DNAJC18: variants seen among roughly 807,000 people sequenced by gnomAD.
The protein encoded by DNAJC18 is DnaJ heat shock protein family (Hsp40) member C18.
A neutral mutation model predicts 48.6 loss-of-function variants in DNAJC18; 40 were observed. That is an observed-to-expected ratio of 0.82 (90% confidence interval 0.64 to 1.07). The LOEUF is 1.07. Ranked by LOEUF, DNAJC18 falls within the 50% of genes least tolerant of loss-of-function variation. The pLI, the probability that DNAJC18 is intolerant of heterozygous loss-of-function variation, is 0.00. For missense variants in DNAJC18, 340 were observed against 427.7 expected, an observed-to-expected ratio of 0.79 and a Z score of 1.81; for synonymous variants, 135 against 152.2, an observed-to-expected ratio of 0.89 and a Z score of 0.83.
chr5:139,420,429 C>A (rs1759134814), intron 6 of DNAJC18: 2 of 527,410 alleles, frequency 3.8e-6, no homozygotes, highest in Non-Finnish European at 6.4e-6. Flanking sequence ...CAAGTTCATA[C>A]TATGAATTCA....
chr5:139,436,127 C>T (rs188528307), intron 2 of DNAJC18, among the ~76,000 whole-genome samples: 14 of 151,800 alleles, frequency 9.2e-5, no homozygotes, highest in Admixed American at 6.6e-5. Context: ...TCTCTGTCAC[C>T]GAAGCTGCAA....
intron 3 of DNAJC18, among the ~76,000 whole-genome samples, chr5:139,426,647 G>GC (rs1432238814): frequency 1.3e-5 from 2 of 152,168 alleles, no homozygotes; most frequent in African/African-American, 2.4e-5. Flanking sequence ...AAGTTAGGAA[G>GC]CCCCCCTCAG....
intron 2 of DNAJC18, among the ~76,000 whole-genome samples, chr5:139,435,901 T>G (rs1398827856): frequency 6.6e-6 from 1 of 151,640 alleles, no homozygotes; most frequent in Non-Finnish European, 1.5e-5. Flanking sequence ...GTTTGTTTTT[T>G]ATTGTACTAA....
At chr5:139,433,004 G>C (rs1157797601) in intron 2 of DNAJC18, among the ~76,000 whole-genome samples, 1 of 152,188 alleles carries the variant, frequency 6.6e-6, no homozygotes. Flanking sequence ...GGTAGGGCTG[G>C]CCGCAGGGTT....
intron 2 of DNAJC18, 60 bp downstream of exon 2, chr5:139,437,312 C>G (rs902993175): frequency 5.9e-6 from 9 of 1,522,374 alleles, no homozygotes; most frequent in Non-Finnish European, 7.9e-6. Context: ...CATAGCACAT[C>G]CAGGCACTCT....
intron 2 of DNAJC18, among the ~76,000 whole-genome samples, chr5:139,435,709 T>TTTTTTTTTTTTTTTTTTTTG (rs1750631103): frequency 2.4e-5 from 2 of 82,124 alleles, no homozygotes; most frequent in Admixed American, 2.4e-4. Context: ...TTGGAAGTTT[T>TTTTTTTTTTTTTTTTTTTTG]TTTTTTTTTT....
intron 2 of DNAJC18, among the ~76,000 whole-genome samples, chr5:139,435,301 C>T (rs558415334): frequency 6.6e-6 from 1 of 151,728 alleles, no homozygotes; most frequent in Non-Finnish European, 1.5e-5. Context: ...TGCAGTGAGC[C>T]GAGATCGTGG....
chr5:139,419,215 T>G, intron 7 of DNAJC18: 1 of 440,672 alleles, frequency 2.3e-6, no homozygotes, highest in Non-Finnish European at 4.5e-6. Flanking sequence ...AAACCAAGTT[T>G]TAGAAGACAC....
At chr5:139,425,219 A>G in intron 4 of DNAJC18, 105 bp from the exon 5 acceptor site, 2 of 866,952 alleles carry the variant, frequency 2.3e-6, no homozygotes, top group Non-Finnish European at 3.5e-6. Context: ...ACTGGAGTGC[A>G]ATGGGGTGAT....
In DNAJC18 at chr5:139,414,218, T is replaced by G. The variant is rs1759038292; in HGVS notation, c.1007A>C (p.Lys336Thr). 6.2e-7 allele frequency: 1 copy of G among 1,614,068 alleles called. No individual in the cohort carries two copies. The highest frequency in any genetic ancestry group is 1.3e-5 in the African/African-American group (1 of 74,924). ...GLYRDERLKQ[K>T]AESLKLENCE... ...GTTTTCAAGTTTCAGCGACTCTGCT[T>G]TCTGTTTCAATCGTTCATCTCTGTA... is the stretch of plus-strand genomic sequence containing the variant. Residue 336 changes from lysine (K) to threonine (T), a missense_variant, in exon 8 of 8, where the codon AAA (lysine) becomes ACA (threonine). Physicochemically the swap from Lys to Thr is moderately conservative, Grantham distance 78 (BLOSUM62 -1). Coordinates refer to ENST00000302060, the MANE Select transcript of DNAJC18 (RefSeq NM_152686.4).
intron 7 of DNAJC18, among the ~76,000 whole-genome samples, chr5:139,417,183 CTG>C (rs1759082232): frequency 9.0e-6 from 1 of 110,852 alleles, no homozygotes; most frequent in African/African-American, 3.0e-5. Context: ...GAGCGAGACT[CTG>C]TCAAAAAAAA....
Position 139,428,593 on chromosome 5 carries a change from G to T in DNAJC18, c.318C>A (p.Ala106=), listed in dbSNP as rs1449120517. 2 of 1,613,548 alleles carry T rather than the reference G, an allele frequency of 1.2e-6. No homozygotes were observed. Among genetic ancestry groups the T allele is most frequent in the African/African-American group, 2.7e-5 (2 of 74,794 alleles). ...AGTTCTTGTCAGGGTGAAATTTCAG[G>T]GCGAGTTTTCTGTAAGCTTTCTTAA... ...EELKKAYRKL[A]LKFHPDKNCA... is the part of the protein sequence containing the mutation. The change falls in exon 3 of 8, where the codon GCC becomes GCA. Residue 106 remains alanine (A), a synonymous_variant. Transcript: ENST00000302060.
chr5:139,434,748 TTGTGTG>T (rs34748727), intron 2 of DNAJC18, among the ~76,000 whole-genome samples: 2 of 150,400 alleles, frequency 1.3e-5, no homozygotes, highest in African/African-American at 4.9e-5. Context: ...CTAACAGTAT[TTGTGTG>T]TGTGTGTGTG....
rs1028587153 is a variant in DNAJC18 at position 139,435,517 on chromosome 5, T to C, written c.227+1855A>G. Among the ~76,000 whole-genome samples, 4 of 152,160 alleles carry C rather than the reference T, an allele frequency of 2.6e-5. No individual in the cohort carries two copies. In the South Asian group the frequency reaches 6.2e-4, roughly 24 times the overall value. On this transcript the variant is annotated intron_variant, in intron 2 of 7. Coordinates refer to ENST00000302060, the MANE Select transcript of DNAJC18 (RefSeq NM_152686.4). ...GGATAAATCCCACTTGGTGAAAATATATAATACTTTTTACATTGCTGTATT... is the reference window on the plus strand; with the variant it reads ...GGATAAATCCCACTTGGTGAAAATACATAATACTTTTTACATTGCTGTATT...
chr5:139,418,762 T>A, intron 7 of DNAJC18: 1 of 456,320 alleles, frequency 2.2e-6, no homozygotes, highest in Non-Finnish European at 4.4e-6. Context: ...CATTGTTTTC[T>A]ACTCCTGAGA....
intron 2 of DNAJC18, among the ~76,000 whole-genome samples, chr5:139,435,680 G>T (rs1750625469): frequency 8.5e-6 from 1 of 117,516 alleles, no homozygotes; most frequent in Admixed American, 9.4e-5. Flanking sequence ...GAAGCCAGCT[G>T]GGCCTGGACT....
chr5:139,439,482 C>T lies in DNAJC18; in HGVS notation c.-37G>A, dbSNP rs370514481. 1.9e-6 allele frequency: 3 copies of T among 1,613,604 alleles called. No homozygotes were observed. The highest frequency in any genetic ancestry group is 1.7e-6 in the Non-Finnish European group (2 of 1,179,976). On this transcript the variant is annotated 5_prime_UTR_variant, in exon 1 of 8. Transcript: ENST00000302060. This position sits in a 1 kb window ranked among gnomAD's most constrained non-coding sequence, Gnocchi z 4.1. ...ATCAGCAGGTCCGCCGAGCCTCCCCCGTGCCCGAGGCTGAAAGAGAAGGGG... is the reference window on the plus strand; with the variant it reads ...ATCAGCAGGTCCGCCGAGCCTCCCCTGTGCCCGAGGCTGAAAGAGAAGGGG...
intron 6 of DNAJC18, among the ~76,000 whole-genome samples, chr5:139,421,773 A>G (rs1581415504): frequency 6.6e-6 from 1 of 152,030 alleles, no homozygotes; most frequent in East Asian, 1.9e-4. Flanking sequence ...GCACCACTGC[A>G]CTCCAGCCCA....
chr5:139,427,015 GC>G (rs1190746362), intron 3 of DNAJC18, among the ~76,000 whole-genome samples: 2 of 151,990 alleles, frequency 1.3e-5, no homozygotes, highest in African/African-American at 4.8e-5. Context: ...CCTGCATCTG[GC>G]CAAAAAAGTG....
Sources: allele counts gnomAD v4.1 joint callset (sites outside exome capture counted in the v4.1 genomes callset), GRCh38; gene constraint gnomAD v4.1.1; non-coding constraint Gnocchi (gnomAD v3.1); transcripts MANE v1.5; gene names NCBI Gene and HGNC (gene_info 2026-07-23, HGNC 2026-07-21).